SLC1A1: variants seen among roughly 807,000 people sequenced by gnomAD.
SLC1A1 encodes excitatory amino acid transporter 3.
In SLC1A1, 43 loss-of-function variants were observed where a neutral mutation model predicts 53.3. The ratio of observed to expected loss-of-function variants is 0.81; its 90% CI spans 0.63 to 1.04. The LOEUF is 1.04. Ranked by LOEUF, SLC1A1 falls within the 50% of genes least tolerant of loss-of-function variation. SLC1A1 has a pLI of 0.00. For missense variants in SLC1A1, 748 were observed against 664.9 expected (o/e 1.12, Z -1.37); for synonymous variants, 307 against 243.2 (o/e 1.26, Z -2.44).
chr9:4,491,700 C>T (rs1332108178), intron 1 of SLC1A1, among the ~76,000 whole-genome samples: 1 of 152,158 alleles, frequency 6.6e-6, no homozygotes, highest in Non-Finnish European at 1.5e-5. Context: ...ATATCTGTCG[C>T]CTTCCCAGTG....
intron 2 of SLC1A1, chr9:4,554,071 T>C (rs1394912567): frequency 6.6e-6 from 1 of 152,232 alleles, no homozygotes; most frequent in East Asian, 1.9e-4. Context: ...AGCAGCCCTA[T>C]GAAGTCATCA....
At position 4,558,878 on chromosome 9, in the gene SLC1A1, T is replaced by C. The variant is rs117300215; in HGVS notation, c.233-2571T>C. Among the ~76,000 whole-genome samples, 1,019 of 152,338 alleles carry C rather than the reference T, an allele frequency of 6.7e-3. 6 individuals carry two copies. The highest frequency in any genetic ancestry group is 0.011 in the Non-Finnish European group (733 of 68,030). On this transcript the variant is annotated intron_variant, in intron 2 of 11. Coordinates refer to ENST00000262352, the MANE Select transcript of SLC1A1 (RefSeq NM_004170.6). Reference sequence around the variant, plus strand: ...TCCCATATTAGGGCTACAGATGAGTTACTTGGAGTCTGTTAAGGTGGTGAT... The same window carrying C: ...TCCCATATTAGGGCTACAGATGAGTCACTTGGAGTCTGTTAAGGTGGTGAT...
intron 2 of SLC1A1, among the ~76,000 whole-genome samples, chr9:4,555,009 C>A (rs961302197): frequency 6.6e-6 from 1 of 152,208 alleles, no homozygotes; most frequent in African/African-American, 2.4e-5. Context: ...AACAGCTACG[C>A]AAGCTGAGGT....
chr9:4,494,047 T>A (rs978879326), intron 1 of SLC1A1, among the ~76,000 whole-genome samples: 1 of 152,248 alleles, frequency 6.6e-6, no homozygotes, highest in Non-Finnish European at 1.5e-5. Context: ...ACACCCTACA[T>A]GGTCCTGAAA....
chr9:4,566,004 A>G, intron 4 of SLC1A1, 43 bp from the exon 5 acceptor site: 11 of 1,462,970 alleles, frequency 7.5e-6, no homozygotes, highest in Non-Finnish European at 1.1e-5. Context: ...ACAAAACAAT[A>G]CTTTTTGCCC....
chr9:4,548,157 T>G (rs1002995041), intron 2 of SLC1A1, among the ~76,000 whole-genome samples: 5 of 152,174 alleles, frequency 3.3e-5, no homozygotes, highest in African/African-American at 1.2e-4. Context: ...TGGTCGCTTC[T>G]CTGCCTCATC....
rs539210874 is a variant in SLC1A1, at chr9:4,498,154, CA to C, written c.91+7385del. ...CATTCCTCAGTTCATTGCTGGGAGC[CA>C]GAGGAACTCTTCTGTAAGGAGCTAA... On this transcript the variant is annotated intron_variant, in intron 1 of 11. Coordinates refer to ENST00000262352, the MANE Select transcript of SLC1A1 (RefSeq NM_004170.6). 2.2e-4 allele frequency among the ~76,000 whole-genome samples: 34 copies of C among 152,202 alleles called. 1 individual carries two copies. Among genetic ancestry groups the C allele is most frequent in the Admixed American group, 2.0e-3 (30 of 15,276 alleles).
intron 2 of SLC1A1, among the ~76,000 whole-genome samples, chr9:4,551,496 G>A (rs756135344): frequency 6.6e-6 from 1 of 152,200 alleles, no homozygotes; most frequent in Non-Finnish European, 1.5e-5. Context: ...ACTTGAAGAC[G>A]CATATCACTT....
At chr9:4,491,168 C>T (rs1234499770) in intron 1 of SLC1A1, among the ~76,000 whole-genome samples, 2 of 152,360 alleles carry the variant, frequency 1.3e-5, no homozygotes, top group African/African-American at 4.8e-5. Context: ...CCCCCAGCCT[C>T]GCTGCGCGGG....
At chr9:4,504,842 T>A (rs1374302054) in intron 1 of SLC1A1, among the ~76,000 whole-genome samples, 1 of 152,172 alleles carries the variant, frequency 6.6e-6, no homozygotes, top group African/African-American at 2.4e-5. Context: ...ACAGGAAGAT[T>A]TTCTAAATTA....
intron 10 of SLC1A1, 109 bp downstream of exon 10, chr9:4,576,872 T>TGC: frequency 1.9e-6 from 2 of 1,031,744 alleles, no homozygotes; most frequent in Non-Finnish European, 3.0e-6. Flanking sequence ...TTCTTTTTCT[T>TGC]GATCTATAAA....
chr9:4,532,877 C>G (rs970429397), intron 1 of SLC1A1, among the ~76,000 whole-genome samples: 5 of 152,172 alleles, frequency 3.3e-5, no homozygotes, highest in Non-Finnish European at 7.3e-5. Context: ...GGCAGAAACT[C>G]TACAAGCCAG....
chr9:4,562,620 T>C (rs1035251965), intron 3 of SLC1A1, among the ~76,000 whole-genome samples: 13 of 152,124 alleles, frequency 8.5e-5, no homozygotes, highest in African/African-American at 2.9e-4. Context: ...CTGAGTGACA[T>C]TTTAAGAAGA....
chr9:4,537,054 G>A (rs1275477827), intron 1 of SLC1A1, among the ~76,000 whole-genome samples: 1 of 151,916 alleles, frequency 6.6e-6, no homozygotes, highest in Non-Finnish European at 1.5e-5. Context: ...GGAGTGGGGG[G>A]AGGAGGGAGG....
At chr9:4,571,948 A>G (rs749529131) in intron 6 of SLC1A1, among the ~76,000 whole-genome samples, 5 of 152,204 alleles carry the variant, frequency 3.3e-5, no homozygotes, top group Non-Finnish European at 7.3e-5. Flanking sequence ...AGAATAAGAA[A>G]TCTTTATAAG....
At chr9:4,554,402 G>A (rs1305044042) in intron 2 of SLC1A1, 1 of 152,232 alleles carries the variant, frequency 6.6e-6, no homozygotes, top group African/African-American at 2.4e-5. Flanking sequence ...GCAAGAAAGA[G>A]ATATAAAATA....
At chr9:4,557,952 G>T (rs921807992) in intron 2 of SLC1A1, among the ~76,000 whole-genome samples, 2 of 152,164 alleles carry the variant, frequency 1.3e-5, no homozygotes, top group African/African-American at 2.4e-5. Context: ...TTTGTCCTCT[G>T]TAAAATGGGG....
intron 10 of SLC1A1, among the ~76,000 whole-genome samples, chr9:4,579,566 G>A (rs928792204): frequency 1.3e-5 from 2 of 152,064 alleles, no homozygotes; most frequent in African/African-American, 2.4e-5. Flanking sequence ...AAGCCTCTCC[G>A]GCTACCTCTG....
At chr9:4,544,439 A>G in intron 1 of SLC1A1, 128 bp from the exon 2 acceptor site, 1 of 817,864 alleles carries the variant, frequency 1.2e-6, no homozygotes, top group Non-Finnish European at 2.1e-6. Context: ...TTACAGACTC[A>G]TGGGAAATGA....
Sources: allele counts gnomAD v4.1 joint callset (sites outside exome capture counted in the v4.1 genomes callset), GRCh38; gene constraint gnomAD v4.1.1; transcripts MANE v1.5; gene names NCBI Gene and HGNC (gene_info 2026-07-23, HGNC 2026-07-21).